BMPR1A: variants seen among roughly 807,000 people sequenced by gnomAD.
BMPR1A encodes bone morphogenetic protein receptor type 1A.
In BMPR1A, 7 loss-of-function variants were observed where a neutral mutation model predicts 66.0. The observed-to-expected ratio is 0.11, with a 90% CI of 0.06 to 0.20. BMPR1A has a LOEUF of 0.20. Among genes scored for constraint, BMPR1A ranks in the 10% least tolerant of loss-of-function variants. BMPR1A has a pLI of 1.00. For synonymous variants in BMPR1A, 200 were observed against 229.7 expected, an observed-to-expected ratio of 0.87 and a Z score of 1.17; for missense variants, 408 against 669.1, an observed-to-expected ratio of 0.61 and a Z score of 4.31.
intron 1 of BMPR1A, among the ~76,000 whole-genome samples, chr10:86,806,795 C>CT (rs1478190280): frequency 6.6e-6 from 1 of 152,022 alleles, no homozygotes; most frequent in Non-Finnish European, 1.5e-5. Flanking sequence ...AGGGATCTGC[C>CT]TGTGTCGGCC....
At chr10:86,784,419 T>C (rs965766881) in intron 1 of BMPR1A, among the ~76,000 whole-genome samples, 3 of 152,234 alleles carry the variant, frequency 2.0e-5, no homozygotes, top group Non-Finnish European at 4.4e-5. Flanking sequence ...TTTTTGTGTG[T>C]TGAGCCATCC....
intron 2 of BMPR1A, among the ~76,000 whole-genome samples, chr10:86,851,708 G>A (rs1564703304): frequency 6.6e-6 from 1 of 152,196 alleles, no homozygotes; most frequent in Non-Finnish European, 1.5e-5. Context: ...CACAAAAGCT[G>A]TGCAGAGTAA....
At chr10:86,799,726 A>T (rs2132853475) in intron 1 of BMPR1A, among the ~76,000 whole-genome samples, 1 of 151,870 alleles carries the variant, frequency 6.6e-6, no homozygotes, top group South Asian at 2.1e-4. Context: ...TAATTTTTGT[A>T]TTTTTGTAGA....
At chr10:86,862,405 G>A (rs911789318) in intron 2 of BMPR1A, among the ~76,000 whole-genome samples, 2 of 152,172 alleles carry the variant, frequency 1.3e-5, no homozygotes, top group Non-Finnish European at 2.9e-5. Flanking sequence ...AGGCTGGAAC[G>A]GAGGGAGGGT....
chr10:86,926,912 C>T lies in BMPR1A; in HGVS notation c.*3193C>T, dbSNP rs1292546409. 1 of 192,630 alleles carries T rather than the reference C, an allele frequency of 5.2e-6. No homozygotes were observed. 11.9% of individuals were successfully genotyped at this position (192,630 alleles called of 1,614,324 possible). The stretch of plus-strand genomic sequence containing the variant: ...ATTAAAGGCACATTAGGGTTTCCTT[C>T]AGTTTGTTTATTCTAAGCTTTTACT... On this transcript the variant is annotated 3_prime_UTR_variant, in exon 13 of 13. Transcript: ENST00000372037.
Position 86,899,713 on chromosome 10 carries a change from AT to A in BMPR1A, c.334-79del, listed in dbSNP as rs1843277846. Reference sequence around the variant, plus strand: ...GCCCCTTTCACTCACTGAAATAGAAATTGTATTTTATGAATACTAAAAAGAC... The same window carrying A: ...GCCCCTTTCACTCACTGAAATAGAAATGTATTTTATGAATACTAAAAAGAC... On this transcript the variant is annotated intron_variant, in intron 5 of 12. Transcript: ENST00000372037. 4.3e-6 allele frequency: 6 copies of A among 1,397,892 alleles called. No homozygotes were observed. The Admixed American group carries it at 1.1e-4, about 25-fold the overall frequency. The allele number at this position is 1,397,892 out of a possible 1,614,324, so 86.6% of individuals were successfully genotyped here.
In BMPR1A at chr10:86,925,717, T is replaced by C; in HGVS notation, c.*1998T>C. 7.4e-6 allele frequency: 1 copy of C among 134,312 alleles called. No individual in the cohort carries two copies. The highest frequency in any genetic ancestry group is 1.4e-5 in the Non-Finnish European group (1 of 73,304). The allele number at this position is 134,312 out of a possible 1,614,324, so 8.3% of individuals were successfully genotyped here. On this transcript the variant is annotated 3_prime_UTR_variant, in exon 13 of 13. Transcript: ENST00000372037. Reference sequence around the variant, plus strand: ...ATACCATAATCTTTAAAATCATTTGTCATCTTTTTTTTTTTTTTTTTGAGA... The same window carrying C: ...ATACCATAATCTTTAAAATCATTTGCCATCTTTTTTTTTTTTTTTTTGAGA...
intron 3 of BMPR1A, among the ~76,000 whole-genome samples, 153 bp from the exon 4 acceptor site, chr10:86,889,909 T>G (rs181286683): frequency 3.3e-5 from 5 of 152,346 alleles, no homozygotes; most frequent in African/African-American, 7.2e-5. Context: ...GTATGTCTGT[T>G]TGTTGTATGA....
At chr10:86,818,122 G>C (rs1004898672) in intron 1 of BMPR1A, among the ~76,000 whole-genome samples, 1 of 152,132 alleles carries the variant, frequency 6.6e-6, no homozygotes, top group Admixed American at 6.5e-5. Context: ...GGGTTCAAAC[G>C]ATTCTCCTGC....
At chr10:86,804,093 A>T (rs1841850538) in intron 1 of BMPR1A, among the ~76,000 whole-genome samples, 1 of 152,158 alleles carries the variant, frequency 6.6e-6, no homozygotes, top group Non-Finnish European at 1.5e-5. Context: ...AACATATTTA[A>T]CTTCTTTTTC....
chr10:86,930,294 T>G (rs1055576706), downstream of BMPR1A: 1 of 152,478 alleles, frequency 6.6e-6, no homozygotes, highest in African/African-American at 2.4e-5. Flanking sequence ...TTTCTTTTTT[T>G]TTTTAGGTGG....
chr10:86,878,837 G>A (rs1014969409), intron 3 of BMPR1A, among the ~76,000 whole-genome samples: 1 of 152,184 alleles, frequency 6.6e-6, no homozygotes, highest in African/African-American at 2.4e-5. Flanking sequence ...AGGGCTGGGT[G>A]TGTTGTTCCC....
At chr10:86,872,249 T>C (rs899545391) in intron 2 of BMPR1A, among the ~76,000 whole-genome samples, 1 of 152,252 alleles carries the variant, frequency 6.6e-6, no homozygotes, top group Non-Finnish European at 1.5e-5. Context: ...GGCAAGTGTG[T>C]TGTAAACATG....
At chr10:86,771,822 TG>T (rs1419816616) in intron 1 of BMPR1A, among the ~76,000 whole-genome samples, 3 of 152,144 alleles carry the variant, frequency 2.0e-5, no homozygotes, top group Non-Finnish European at 4.4e-5. Flanking sequence ...AGTGCAGTGG[TG>T]TGAACATGGC....
rs1217518933 is a variant in BMPR1A at position 86,925,087 on chromosome 10, G to A, written c.*1368G>A. 4.3e-6 allele frequency: 1 copy of A among 231,946 alleles called. No individual in the cohort carries two copies. The highest frequency in any genetic ancestry group is 8.5e-6 in the Non-Finnish European group (1 of 117,398). The allele number at this position is 231,946 out of a possible 1,614,324, so 14.4% of individuals were successfully genotyped here. ...TTTTTTGATTTCTATTCCCTAACTT[G>A]TGAAGACAATGAAAAATCAGGCAGA... On this transcript the variant is annotated 3_prime_UTR_variant, in exon 13 of 13. Transcript: ENST00000372037.
intron 1 of BMPR1A, among the ~76,000 whole-genome samples, chr10:86,810,611 G>A (rs1841955875): frequency 6.6e-6 from 1 of 152,150 alleles, no homozygotes; most frequent in Admixed American, 6.5e-5. Flanking sequence ...ACTCAGGTGG[G>A]TCTGAAGTAT....
intron 7 of BMPR1A, among the ~76,000 whole-genome samples, chr10:86,903,275 A>G (rs1191670111): frequency 6.6e-6 from 1 of 152,262 alleles, no homozygotes; most frequent in Non-Finnish European, 1.5e-5. Flanking sequence ...ATTAGCAATT[A>G]CATTAAAATA....
chr10:86,811,001 C>G (rs577927070), intron 1 of BMPR1A, among the ~76,000 whole-genome samples: 6 of 152,136 alleles, frequency 3.9e-5, no homozygotes, highest in South Asian at 2.1e-4. Context: ...CCCACCTTGC[C>G]GGTGAACCAC....
intron 1 of BMPR1A, among the ~76,000 whole-genome samples, chr10:86,828,004 TAGCCG>T (rs1056823587): frequency 3.9e-5 from 6 of 152,210 alleles, no homozygotes; most frequent in African/African-American, 1.4e-4. Context: ...ATAAAAAAAT[TAGCCG>T]AGCGTGGTGA....
Sources: allele counts gnomAD v4.1 joint callset (sites outside exome capture counted in the v4.1 genomes callset), GRCh38; gene constraint gnomAD v4.1.1; transcripts MANE v1.5; gene names NCBI Gene and HGNC (gene_info 2026-07-23, HGNC 2026-07-21).